Variants in HECW1 observed in about 807,000 individuals in gnomAD.
HECW1 encodes the protein HECT, C2 and WW domain containing E3 ubiquitin protein ligase 1, also known as E3 ubiquitin-protein ligase HECW1.
A neutral mutation model predicts 182.3 loss-of-function variants in HECW1; 61 were observed. That is an observed-to-expected ratio of 0.33 (90% CI 0.27 to 0.41). HECW1 has a LOEUF of 0.41. HECW1 is among the 10% of genes least tolerant of loss of function. HECW1 has a pLI of 1.00. For synonymous variants in HECW1, 859 were observed against 832.6 expected (o/e 1.03, Z -0.55); for missense variants, 1,739 against 2,108.9 (o/e 0.82, Z 3.44).
At chr7:43,318,492 A>AT (rs1316787168) in intron 4 of HECW1, among the ~76,000 whole-genome samples, 7 of 152,182 alleles carry the variant, frequency 4.6e-5, no homozygotes, top group Admixed American at 6.5e-5. Context: ...TTGCCCAGTC[A>AT]TTTTTTTGCC....
intron 11 of HECW1, among the ~76,000 whole-genome samples, chr7:43,449,618 A>G (rs1258466944): frequency 6.6e-6 from 1 of 152,234 alleles, no homozygotes; most frequent in Non-Finnish European, 1.5e-5. Flanking sequence ...AGATCCTACA[A>G]CCATTTGACC....
chr7:43,500,103 C>CT (rs34962349), intron 19 of HECW1, among the ~76,000 whole-genome samples: 5,026 of 141,740 alleles, frequency 0.035, 219 homozygotes, highest in African/African-American at 0.11. Context: ...CAAGAACAGT[C>CT]TTTTTTTTTT....
chr7:43,375,202 C>G (rs1264980080), intron 6 of HECW1, among the ~76,000 whole-genome samples: 1 of 152,092 alleles, frequency 6.6e-6, no homozygotes, highest in Non-Finnish European at 1.5e-5. Context: ...ACAGGAGAAA[C>G]TGTCGGACGC....
At chr7:43,517,325 A>G (rs1250127430) in intron 24 of HECW1, among the ~76,000 whole-genome samples, 1 of 152,100 alleles carries the variant, frequency 6.6e-6, no homozygotes, top group African/African-American at 2.4e-5. Context: ...ACTGCAAAAT[A>G]AACAGACTCC....
At chr7:43,559,377 A>AGTTGCC (rs2082135305) in intron 29 of HECW1, among the ~76,000 whole-genome samples, 1 of 152,194 alleles carries the variant, frequency 6.6e-6, no homozygotes, top group Admixed American at 6.5e-5. Flanking sequence ...GGTCACGTGC[A>AGTTGCC]AAACTCCAGA....
intron 2 of HECW1, among the ~76,000 whole-genome samples, chr7:43,185,075 G>T (rs550972958): frequency 6.6e-6 from 1 of 152,186 alleles, no homozygotes; most frequent in East Asian, 1.9e-4. Flanking sequence ...CATGAAATTT[G>T]TGTGGGGATG....
intron 7 of HECW1, 89 bp downstream of exon 7, chr7:43,396,978 A>G: frequency 2.1e-6 from 2 of 945,656 alleles, no homozygotes; most frequent in Non-Finnish European, 3.4e-6. Context: ...TCTTACCTAC[A>G]AGTCAGTCAA....
chr7:43,324,587 T>A (rs1584483101), intron 5 of HECW1, among the ~76,000 whole-genome samples: 2 of 152,132 alleles, frequency 1.3e-5, no homozygotes, highest in South Asian at 4.1e-4. Flanking sequence ...AAATGCAGAA[T>A]CCCAGCCATG....
chr7:43,467,747 T>G (rs988448466), intron 15 of HECW1, among the ~76,000 whole-genome samples: 7 of 151,996 alleles, frequency 4.6e-5, no homozygotes, highest in Admixed American at 3.9e-4. Flanking sequence ...AGGTCCACCG[T>G]GATCACGAGT....
chr7:43,292,989 C>T (rs1349500799), intron 3 of HECW1, among the ~76,000 whole-genome samples: 1 of 151,904 alleles, frequency 6.6e-6, no homozygotes, highest in East Asian at 1.9e-4. Flanking sequence ...CTTTGGGAGG[C>T]CAAGGCGGGT....
At chr7:43,342,378 G>T (rs560708718) in intron 5 of HECW1, among the ~76,000 whole-genome samples, 2 of 151,852 alleles carry the variant, frequency 1.3e-5, no homozygotes, top group South Asian at 4.1e-4. Flanking sequence ...TTCATAAAAA[G>T]AAATACAAAT....
rs1311618153 is a variant in HECW1, at chr7:43,488,400, AAAT to A, written c.3235-3674_3235-3672del. ...GAAGGAAGGAAGGAAGGAAGGAAGG[AAAT>A]GAAAGAAAGAGAGAGAGAGAAAGAA... On this transcript the variant is annotated intron_variant, in intron 17 of 29. Transcript: ENST00000395891. 1.7e-3 allele frequency among the ~76,000 whole-genome samples: 163 copies of A among 97,858 alleles called. 4 individuals are homozygous for A. The highest frequency in any genetic ancestry group is 2.2e-3 in the Non-Finnish European group (103 of 46,386). 64.2% of individuals were successfully genotyped at this position (97,858 alleles called of 152,430 possible).
intron 5 of HECW1, among the ~76,000 whole-genome samples, chr7:43,346,201 G>C (rs150038801): frequency 6.6e-6 from 1 of 152,092 alleles, no homozygotes; most frequent in Non-Finnish European, 1.5e-5. Flanking sequence ...GCAGGAGTAA[G>C]GTGGTATCAC....
intron 2 of HECW1, among the ~76,000 whole-genome samples, chr7:43,117,173 T>G (rs1037802967): frequency 1.3e-5 from 2 of 152,326 alleles, no homozygotes; most frequent in African/African-American, 4.8e-5. Context: ...ATCTCCAAAA[T>G]GTACAAAGTG....
Position 43,564,562 on chromosome 7 carries a change from T to G in HECW1, c.*2636T>G, listed in dbSNP as rs575754758. ...CCCACAAAGCATAACAGGAACATTC[T>G]TTCACAAAAGTGCAAAATTTCATGA... On this transcript the variant is annotated 3_prime_UTR_variant, in exon 30 of 30. Transcript: ENST00000395891. 1 of 186,652 alleles carries G rather than the reference T, an allele frequency of 5.4e-6. No homozygotes were observed. Among genetic ancestry groups the G allele is most frequent in the Admixed American group, 6.2e-5 (1 of 16,150 alleles). 11.6% of individuals were successfully genotyped at this position (186,652 alleles called of 1,614,324 possible). A position where few individuals can be genotyped will look rare whatever the true frequency, so the allele number is the denominator to read the frequency against.
intron 2 of HECW1, among the ~76,000 whole-genome samples, chr7:43,174,072 C>T (rs183935519): frequency 2.4e-3 from 365 of 152,252 alleles, no homozygotes; most frequent in African/African-American, 8.4e-3. Flanking sequence ...AACTCCTGGC[C>T]TCAAGCAGTC....
chr7:43,550,602 G>A lies in HECW1; in HGVS notation c.4395+11G>A, dbSNP rs775216551. On this transcript the variant is annotated intron_variant, in intron 27 of 29. Coordinates refer to ENST00000395891, the MANE Select transcript of HECW1 (RefSeq NM_015052.5). Reference sequence around the variant, plus strand: ...CGCGGCTTCTACGAGGTGAGGCCCGGTGGCCTGGGGAAGGCAAGCTGTGGC... The same window carrying A: ...CGCGGCTTCTACGAGGTGAGGCCCGATGGCCTGGGGAAGGCAAGCTGTGGC... The A allele has an allele frequency of 6.6e-5, 105 of 1,589,186 alleles. No homozygotes were observed. Among genetic ancestry groups the A allele is most frequent in the Non-Finnish European group, 8.3e-5 (97 of 1,168,642 alleles).
intron 2 of HECW1, among the ~76,000 whole-genome samples, chr7:43,219,657 A>T (rs536300339): frequency 6.6e-6 from 1 of 151,432 alleles, no homozygotes; most frequent in South Asian, 2.1e-4. Context: ...AACAGAACAG[A>T]ACAGAACAGG....
intron 5 of HECW1, among the ~76,000 whole-genome samples, chr7:43,356,782 C>T (rs767587582): frequency 2.0e-5 from 3 of 152,112 alleles, no homozygotes; most frequent in Non-Finnish European, 4.4e-5. Flanking sequence ...ACTACATGCT[C>T]CTGAACAACT....
Sources: gnomAD v4.1 joint callset for allele counts (sites outside exome capture counted in the v4.1 genomes callset) on GRCh38, gnomAD v4.1.1 for gene constraint, MANE v1.5 for transcripts, NCBI Gene and HGNC (gene_info 2026-07-23, HGNC 2026-07-21) for gene names.